Variants in MALRD1 observed in about 807,000 individuals in gnomAD.
MALRD1 encodes the protein MAM and LDL receptor class A domain containing 1.
A neutral mutation model predicts 242.1 loss-of-function variants in MALRD1; 247 were observed. The observed-to-expected ratio is 1.02, with a 90% CI of 0.92 to 1.13. The LOEUF is 1.13. Ranked by LOEUF, MALRD1 falls within the 50% of genes most tolerant of loss-of-function variation. MALRD1 has a pLI of 0.00. For missense variants in MALRD1, 2,989 were observed against 2,533.1 expected (o/e 1.18, Z -3.86); for synonymous variants, 995 against 866.6 (o/e 1.15, Z -2.60).
At chr10:19,240,077 G>A (rs551021565) in intron 18 of MALRD1, among the ~76,000 whole-genome samples, 1 of 151,902 alleles carries the variant, frequency 6.6e-6, no homozygotes, top group Non-Finnish European at 1.5e-5. Flanking sequence ...GAATCTGTAG[G>A]ACATTTTGTT....
rs773693724 is a variant in MALRD1, at chr10:19,113,814, CACACACACACACACACAG to C, written c.695-9664_695-9647del. 1.5e-3 allele frequency among the ~76,000 whole-genome samples: 223 copies of C among 147,348 alleles called. 1 individual carries two copies. The highest frequency in any genetic ancestry group is 3.0e-3 in the Non-Finnish European group (199 of 66,866). On this transcript the variant is annotated intron_variant, in intron 5 of 39. Coordinates refer to ENST00000454679, the MANE Select transcript of MALRD1 (RefSeq NM_001142308.3). ...CCCTACACACACACACACACACACA[CACACACACACACACACAG>C]ACACACACACACAGACACATGTGTA...
chr10:19,215,756 T>C (rs576796782), intron 18 of MALRD1, among the ~76,000 whole-genome samples: 1 of 87,168 alleles, frequency 1.1e-5, no homozygotes, highest in South Asian at 2.6e-4. Context: ...TAATAATTAG[T>C]ATAAACAAAT....
At chr10:19,055,933 C>G (rs1021292586) in intron 1 of MALRD1, among the ~76,000 whole-genome samples, 1 of 152,174 alleles carries the variant, frequency 6.6e-6, no homozygotes. Flanking sequence ...TCTACACAAA[C>G]CCTCATGACA....
intron 7 of MALRD1, among the ~76,000 whole-genome samples, chr10:19,127,084 A>T (rs947649299): frequency 1.1e-4 from 17 of 152,154 alleles, no homozygotes; most frequent in African/African-American, 3.9e-4. Context: ...AAAGGACATG[A>T]TCTCATTCCT....
At chr10:19,327,964 T>C (rs1843207374) in intron 23 of MALRD1, among the ~76,000 whole-genome samples, 1 of 152,166 alleles carries the variant, frequency 6.6e-6, no homozygotes, top group Non-Finnish European at 1.5e-5. Context: ...AACATTTACC[T>C]CTGTTTTGCA....
intron 32 of MALRD1, among the ~76,000 whole-genome samples, chr10:19,543,513 GTCC>G (rs1204894189): frequency 2.8e-5 from 4 of 143,788 alleles, no homozygotes; most frequent in Non-Finnish European, 1.5e-5. Context: ...GACTCATGCT[GTCC>G]TCCTGCCTCA....
rs114899832 is a variant in MALRD1 at position 19,219,585 on chromosome 10, C to T, written c.2991+9905C>T. Among the ~76,000 whole-genome samples, 692 of 152,176 alleles carry T rather than the reference C, an allele frequency of 4.5e-3. 8 individuals are homozygous for T. The highest frequency in any genetic ancestry group is 0.016 in the African/African-American group (672 of 41,528). Reference sequence around the variant, plus strand: ...CCAAGTAGCTGCGCCTATAGGCGTGCACCACCACACCGGCTAATTTTTAAA... The same window carrying T: ...CCAAGTAGCTGCGCCTATAGGCGTGTACCACCACACCGGCTAATTTTTAAA... On this transcript the variant is annotated intron_variant, in intron 18 of 39. Transcript: ENST00000454679.
intron 11 of MALRD1, among the ~76,000 whole-genome samples, chr10:19,148,439 G>T (rs2131445798): frequency 6.6e-6 from 1 of 152,072 alleles, no homozygotes; most frequent in Admixed American, 6.6e-5. Flanking sequence ...ACCTGTGAAG[G>T]TTTTTCCATG....
chr10:19,317,313 T>C (rs1842747696), intron 21 of MALRD1, among the ~76,000 whole-genome samples: 1 of 151,886 alleles, frequency 6.6e-6, no homozygotes, highest in South Asian at 2.1e-4. Context: ...CTAGGGTCTC[T>C]TTTCTAAGGA....
intron 21 of MALRD1, among the ~76,000 whole-genome samples, chr10:19,306,217 C>CAT (rs1842185986): frequency 7.7e-6 from 1 of 130,150 alleles, no homozygotes; most frequent in South Asian, 2.3e-4. Flanking sequence ...TATATACACA[C>CAT]ACATACTATA....
chr10:19,550,574 T>G (rs1835430538), intron 32 of MALRD1, among the ~76,000 whole-genome samples: 1 of 152,154 alleles, frequency 6.6e-6, no homozygotes, highest in East Asian at 1.9e-4. Flanking sequence ...TAGCTCCCAC[T>G]TAAGTGTGAG....
At position 19,105,402 on chromosome 10, in the gene MALRD1, A is replaced by G. The variant is rs147253555; in HGVS notation, c.694+1327A>G. On this transcript the variant is annotated intron_variant, in intron 5 of 39. Coordinates refer to ENST00000454679, the MANE Select transcript of MALRD1 (RefSeq NM_001142308.3). ...GCATGTATGTTACCACATTTTCTTT[A>G]TCCATTTGTCCATTGATGGACACTT... is the stretch of plus-strand genomic sequence containing the variant. Among the ~76,000 whole-genome samples the G allele has an allele frequency of 6.0e-3, 915 of 152,124 alleles. 9 individuals carry two copies. Among genetic ancestry groups the G allele is most frequent in the African/African-American group, 0.021 (858 of 41,526 alleles).
At chr10:19,218,180 G>A (rs1205863105) in intron 18 of MALRD1, among the ~76,000 whole-genome samples, 1 of 152,046 alleles carries the variant, frequency 6.6e-6, no homozygotes, top group African/African-American at 2.4e-5. Flanking sequence ...TTCAATAAAT[G>A]ATCAATTTAT....
intron 13 of MALRD1, among the ~76,000 whole-genome samples, chr10:19,167,618 CTG>C (rs896974338): frequency 6.6e-6 from 1 of 152,128 alleles, no homozygotes; most frequent in Admixed American, 6.5e-5. Flanking sequence ...GGACAATTGA[CTG>C]TGCTGGAGAA....
intron 29 of MALRD1, among the ~76,000 whole-genome samples, chr10:19,482,367 T>G (rs1835696484): frequency 6.6e-6 from 1 of 151,578 alleles, no homozygotes; most frequent in African/African-American, 2.4e-5. Flanking sequence ...ATTAAAAAGC[T>G]AAAAAAAAGT....
intron 19 of MALRD1, among the ~76,000 whole-genome samples, chr10:19,269,695 T>A (rs116139909): frequency 0.13 from 20,172 of 152,196 alleles, 1,656 homozygotes; most frequent in Admixed American, 0.27. Flanking sequence ...GAAGAAACGC[T>A]TTTCTCATTT....
At chr10:19,095,877 G>A (rs1191210438) in intron 4 of MALRD1, among the ~76,000 whole-genome samples, 2 of 152,186 alleles carry the variant, frequency 1.3e-5, no homozygotes, top group Non-Finnish European at 2.9e-5. Flanking sequence ...TGGGGATTGA[G>A]TCACATTGAG....
chr10:19,104,221 T>A (rs1836383215), intron 5 of MALRD1, 146 bp downstream of exon 5: 3 of 438,088 alleles, frequency 6.8e-6, no homozygotes. Flanking sequence ...TGTATAACAG[T>A]GACTGGATCT....
intron 36 of MALRD1, among the ~76,000 whole-genome samples, chr10:19,640,341 G>A (rs550745448): frequency 6.0e-5 from 9 of 151,102 alleles, no homozygotes; most frequent in Non-Finnish European, 8.8e-5. Flanking sequence ...CACCCACCTC[G>A]GCCTCCCAAA....
Sources: allele counts gnomAD v4.1 joint callset (sites outside exome capture counted in the v4.1 genomes callset), GRCh38; gene constraint gnomAD v4.1.1; transcripts MANE v1.5; gene names NCBI Gene and HGNC (gene_info 2026-07-23, HGNC 2026-07-21).